The following RRAGB variants were observed in gnomAD, a reference collection of about 807,000 sequenced individuals.
RRAGB encodes the protein ras-related GTP-binding protein B.
A neutral mutation model predicts 29.3 loss-of-function variants in RRAGB; 6 were observed. That is an observed-to-expected ratio of 0.21 (90% CI 0.11 to 0.40). The LOEUF is 0.40. Ranked by LOEUF, RRAGB falls within the 10% of genes least tolerant of loss-of-function variation. The pLI is 1.00. For missense variants in RRAGB, 184 were observed against 272.9 expected, an observed-to-expected ratio of 0.67 and a Z score of 2.29; for synonymous variants, 101 against 92.5, an observed-to-expected ratio of 1.09 and a Z score of -0.53.
intron 5 of RRAGB, among the ~76,000 whole-genome samples, chrX:55,748,943 C>G (rs1489131151): frequency 3.7e-4 from 36 of 97,779 alleles, no homozygotes; most frequent in Admixed American, 3.2e-4. Flanking sequence ...GCCAGCTGCC[C>G]CGTCCGGGAG....
At chrX:55,728,941 G>A (rs1190018855) in intron 3 of RRAGB, among the ~76,000 whole-genome samples, 8 of 110,240 alleles carry the variant, frequency 7.3e-5, no homozygotes, top group African/African-American at 2.3e-4. Flanking sequence ...TAATTTTTGT[G>A]TGTATGTGAG....
chrX:55,758,251 G>A lies in RRAGB; in HGVS notation c.949G>A (p.Ala317Thr). 1 of 1,200,368 alleles carries A rather than the reference G, an allele frequency of 8.3e-7. No homozygotes were observed. Among genetic ancestry groups the A allele is most frequent in the Non-Finnish European group, 1.1e-6 (1 of 887,415 alleles). The change falls in exon 10 of 10, where the codon GCA becomes ACA. Residue 317 changes from alanine (A) to threonine (T), a missense_variant. By Grantham distance (58) the Ala-to-Thr change is moderately conservative. Transcript: ENST00000374941. Reference protein sequence around the residue: ...VVMSDPSIPSAATLINIRNAR... With the variant: ...VVMSDPSIPSTATLINIRNAR... ...GTTTCCGCCCCCGCCCTCAGCTTCTGCAGCTACTCTGATCAACATCCGCAA... is the reference window on the plus strand; with the variant it reads ...GTTTCCGCCCCCGCCCTCAGCTTCTACAGCTACTCTGATCAACATCCGCAA...
At chrX:55,745,890 C>T (rs772260394) in intron 5 of RRAGB, among the ~76,000 whole-genome samples, 1 of 112,245 alleles carries the variant, frequency 8.9e-6, no homozygotes, top group South Asian at 3.7e-4. Context: ...TGAGCTAAAA[C>T]TCCATTGATT....
intron 7 of RRAGB, chrX:55,755,523 G>A (rs978635360): frequency 1.3e-4 from 97 of 736,342 alleles, no homozygotes; most frequent in Non-Finnish European, 1.5e-4. Flanking sequence ...TTTAAAAATC[G>A]AAGACCATCA....
chrX:55,736,292 T>C (rs1371995750), intron 5 of RRAGB, among the ~76,000 whole-genome samples: 1 of 112,352 alleles, frequency 8.9e-6, no homozygotes, highest in Non-Finnish European at 1.9e-5. Context: ...GAGACTTTGT[T>C]CATTTCTTTT....
At chrX:55,747,359 A>G (rs1002150492) in intron 5 of RRAGB, among the ~76,000 whole-genome samples, 1 of 112,423 alleles carries the variant, frequency 8.9e-6, no homozygotes, top group Non-Finnish European at 1.9e-5. Context: ...TTCAGTTCGC[A>G]TTGTAATTCA....
chrX:55,720,568 C>T (rs955483254), intron 2 of RRAGB, among the ~76,000 whole-genome samples: 2 of 111,066 alleles, frequency 1.8e-5, no homozygotes, highest in East Asian at 2.8e-4. Context: ...AGGCTGGGCA[C>T]GGTGGCTCAT....
At chrX:55,756,187 C>G (rs181860917) in intron 8 of RRAGB, among the ~76,000 whole-genome samples, 1 of 110,805 alleles carries the variant, frequency 9.0e-6, no homozygotes, top group African/African-American at 3.3e-5. Flanking sequence ...ATACTATTTG[C>G]GAAGAAATAA....
At chrX:55,747,623 C>T (rs536604732) in intron 5 of RRAGB, among the ~76,000 whole-genome samples, 4 of 111,449 alleles carry the variant, frequency 3.6e-5, no homozygotes, top group Non-Finnish European at 7.5e-5. Flanking sequence ...TGGTACCTTG[C>T]CTCTTAAAAG....
chrX:55,731,247 C>A, intron 4 of RRAGB, 117 bp from the exon 5 acceptor site: 2 of 527,391 alleles, frequency 3.8e-6, no homozygotes, highest in Non-Finnish European at 6.1e-6. Context: ...TATGATTTGC[C>A]CTTTAAATTG....
At chrX:55,738,702 G>T (rs2033949178) in intron 5 of RRAGB, among the ~76,000 whole-genome samples, 1 of 112,095 alleles carries the variant, frequency 8.9e-6, no homozygotes, top group African/African-American at 3.2e-5. Context: ...CTAGCCAGGA[G>T]GTGGCGTTTG....
chrX:55,731,434 A>T lies in RRAGB; in HGVS notation c.364A>T (p.Ile122Phe). The T allele has an allele frequency of 8.3e-7, 1 of 1,210,605 alleles. No homozygotes were observed. The highest frequency in any genetic ancestry group is 1.1e-6 in the Non-Finnish European group (1 of 894,643). ...CATCTTCCGAAATGTGGAGGTTCTG[A>T]TTTATGTCTTTGATGTGGAGAGCCG... ...DNIFRNVEVL[I>F]YVFDVESREL... The change falls in exon 5 of 10, where the codon ATT becomes TTT. Residue 122 changes from isoleucine to phenylalanine, a missense_variant. Transcript: ENST00000374941.
intron 5 of RRAGB, among the ~76,000 whole-genome samples, chrX:55,749,120 C>T (rs1348982914): frequency 2.0e-5 from 2 of 100,414 alleles, no homozygotes; most frequent in African/African-American, 3.7e-5. Context: ...TGCCTCTGCC[C>T]GGCCACCCCT....
chrX:55,749,221 G>A (rs1421860297), intron 5 of RRAGB, among the ~76,000 whole-genome samples: 7 of 89,691 alleles, frequency 7.8e-5, no homozygotes, highest in African/African-American at 2.9e-4. Context: ...CAGCCGCCCC[G>A]TCCGGGAGGT....
chrX:55,732,624 G>T (rs1231428704), intron 5 of RRAGB, among the ~76,000 whole-genome samples: 1 of 111,852 alleles, frequency 8.9e-6, no homozygotes, highest in African/African-American at 3.2e-5. Context: ...AAAACCATTT[G>T]AAGGGTTCCA....
intron 5 of RRAGB, among the ~76,000 whole-genome samples, chrX:55,750,551 G>T (rs2034494031): frequency 9.0e-6 from 1 of 111,247 alleles, no homozygotes; most frequent in African/African-American, 3.3e-5. Flanking sequence ...ATACAGATTG[G>T]TGTTTAACCA....
Position 55,757,333 on chromosome X carries a change from T to C in RRAGB, c.943+2T>C. On this transcript the variant is annotated splice_donor_variant, in intron 9 of 9. Transcript: ENST00000374941. LOFTEE classifies it high-confidence loss of function. ...TTGTGATGTCTGATCCGTCCATTCGTAAGTTTAAACTTAGCTGACCTAGGT... is the reference window on the plus strand; with the variant it reads ...TTGTGATGTCTGATCCGTCCATTCGCAAGTTTAAACTTAGCTGACCTAGGT... The C allele has an allele frequency of 1.8e-6, 2 of 1,112,894 alleles. No individual in the cohort carries two copies. Among genetic ancestry groups the C allele is most frequent in the Non-Finnish European group, 2.5e-6 (2 of 814,348 alleles). The allele number at this position is 1,112,894 out of a possible 1,213,427, so 91.7% of individuals were successfully genotyped here.
chrX:55,731,676 C>A, intron 5 of RRAGB, 90 bp downstream of exon 5: 2 of 601,028 alleles, frequency 3.3e-6, no homozygotes, highest in South Asian at 4.0e-5. Flanking sequence ...ACCATTTTTT[C>A]AGGAATAAAA....
At chrX:55,740,730 G>A (rs898138798) in intron 5 of RRAGB, among the ~76,000 whole-genome samples, 3 of 111,642 alleles carry the variant, frequency 2.7e-5, no homozygotes, top group Admixed American at 1.9e-4. Flanking sequence ...GGCTGCAGGC[G>A]TTGCAGTTTT....
Sources: gnomAD v4.1 joint callset for allele counts (sites outside exome capture counted in the v4.1 genomes callset) on GRCh38, gnomAD v4.1.1 for gene constraint, MANE v1.5 for transcripts, NCBI Gene and HGNC (gene_info 2026-07-23, HGNC 2026-07-21) for gene names.